The following TSEN34 variants were observed in gnomAD, a reference collection of about 807,000 sequenced individuals.
TSEN34 encodes the protein tRNA-splicing endonuclease subunit Sen34.
Under a neutral mutation model 30.2 loss-of-function variants are expected in TSEN34, and 25 were observed. The observed-to-expected ratio is 0.83, with a 90% confidence interval of 0.60 to 1.16. The LOEUF is 1.16. Ranked by LOEUF, TSEN34 falls within the 50% of genes most tolerant of loss-of-function variation. TSEN34 has a pLI of 0.00. For missense variants in TSEN34, 475 were observed against 411.9 expected (o/e 1.15, Z -1.33); for synonymous variants, 209 against 177.4 (o/e 1.18, Z -1.41).
At chr19:54,192,584 A>C (rs1185621916) in intron 3 of TSEN34, among the ~76,000 whole-genome samples, 1 of 150,908 alleles carries the variant, frequency 6.6e-6, no homozygotes, top group Non-Finnish European at 1.5e-5. Flanking sequence ...TTTTTGTCTC[A>C]CTTTCTCTTA....
In TSEN34 at chr19:54,193,099, C is replaced by T. The variant is rs868508939; in HGVS notation, c.746-76C>T. 5.6e-6 allele frequency: 9 copies of T among 1,607,296 alleles called. No homozygotes were observed. In the South Asian group the frequency reaches 6.6e-5, roughly 12 times the overall value. ...TGATGGCTGAAATGATCTCAGATCT[C>T]CTCCCAGTGGTCGTTCCCGTGGCGT... On this transcript the variant is annotated intron_variant, in intron 3 of 3. Transcript: ENST00000396388.
upstream of TSEN34, chr19:54,190,378 C>T (rs565852786): frequency 1.2e-5 from 18 of 1,507,326 alleles, no homozygotes; most frequent in African/African-American, 5.6e-5. Flanking sequence ...TGAGGTGACT[C>T]GCTGGTTCTA....
At chr19:54,190,987 G>C (rs542754609), upstream of TSEN34, 38 of 1,108,812 alleles carry the variant, frequency 3.4e-5, no homozygotes, top group African/African-American at 6.0e-4. Flanking sequence ...TTGTAAGGGG[G>C]CGTGTCGCCG....
At chr19:54,193,125 C>T in intron 3 of TSEN34, 50 bp from the exon 4 acceptor site, 1 of 1,611,278 alleles carries the variant, frequency 6.2e-7, no homozygotes, top group Non-Finnish European at 8.5e-7. Flanking sequence ...CCCGTGGCGT[C>T]CAGCCGTCTG....
chr19:54,191,626 AAC>A lies in TSEN34; in HGVS notation c.243+20_243+21del, dbSNP rs1568848864. On this transcript the variant is annotated intron_variant, in intron 1 of 3. Transcript: ENST00000396388. ...CAGCCTGGTAAGGGGGCGGGGCTCGAACTCGGGTTCGGTGGGAGCGGGACCTG... is the reference window on the plus strand; with the variant it reads ...CAGCCTGGTAAGGGGGCGGGGCTCGATCGGGTTCGGTGGGAGCGGGACCTG... The A allele has an allele frequency of 6.2e-7, 1 of 1,605,654 alleles. No homozygotes were observed. The highest frequency in any genetic ancestry group is 1.7e-4 in the Middle Eastern group (1 of 6,052).
chr19:54,192,165 C>G lies in TSEN34; in HGVS notation c.537C>G (p.Pro179=). The change falls in exon 3 of 4, where the codon CCC becomes CCG. Residue 179 remains proline (P), a synonymous_variant. Coordinates refer to ENST00000396388, the MANE Select transcript of TSEN34 (RefSeq NM_001077446.4). ...CCTCAAATGGGGTAGCCCCCTTGCCCAGATCTGCTCTCCTTGTCCAGCTGG... is the reference window on the plus strand; with the variant it reads ...CCTCAAATGGGGTAGCCCCCTTGCCGAGATCTGCTCTCCTTGTCCAGCTGG... ...AGPSNGVAPL[P]RSALLVQLAT... is the part of the protein sequence containing the mutation. The G allele has an allele frequency of 6.2e-7, 1 of 1,614,196 alleles. No homozygotes were observed. Among genetic ancestry groups the G allele is most frequent in the South Asian group, 1.1e-5 (1 of 91,080 alleles).
At chr19:54,190,007 G>A, upstream of TSEN34, 1 of 496,070 alleles carries the variant, frequency 2.0e-6, no homozygotes, top group Non-Finnish European at 3.6e-6. Flanking sequence ...GAGTCAACAG[G>A]TTCGCCAGAC....
chr19:54,193,234 A>C lies in TSEN34; in HGVS notation c.805A>C (p.Ile269Leu). The change falls in exon 4 of 4, where the codon ATC (isoleucine) becomes CTC (leucine). Residue 269 changes from isoleucine to leucine, a missense_variant. Transcript: ENST00000396388. ...TCAGTGCTGGGCCCCTGAGGACACC[A>C]TCCCACTCCAAGACCTGGTTGCTGC... The part of the protein sequence containing the change: ...IAQCWAPEDT[I>L]PLQDLVAAGR... 6.2e-7 allele frequency: 1 copy of C among 1,613,960 alleles called. No homozygotes were observed. Among genetic ancestry groups the C allele is most frequent in the South Asian group, 1.1e-5 (1 of 91,072 alleles).
At chr19:54,190,158 G>A (rs1001611453), upstream of TSEN34, 8 of 573,768 alleles carry the variant, frequency 1.4e-5, no homozygotes, top group African/African-American at 1.6e-4. Flanking sequence ...AAGCGGCAGA[G>A]GGAGGTGCGC....
At chr19:54,190,581 C>T, upstream of TSEN34, 1 of 1,247,400 alleles carries the variant, frequency 8.0e-7, no homozygotes, top group South Asian at 2.6e-5. Context: ...GGGCCACAGG[C>T]CGCGAGGCTG....
upstream of TSEN34, chr19:54,190,462 C>G: frequency 1.5e-6 from 2 of 1,369,734 alleles, no homozygotes; most frequent in South Asian, 1.7e-5. Context: ...TGAGCCCGCC[C>G]GAGCGGAGAG....
At position 54,193,623 on chromosome 19, in the gene TSEN34, G is replaced by A; in HGVS notation, c.*261G>A. 2.4e-6 allele frequency: 3 copies of A among 1,269,896 alleles called. No individual in the cohort carries two copies. The highest frequency in any genetic ancestry group is 1.5e-5 in the African/African-American group (1 of 67,550). 78.7% of individuals were successfully genotyped at this position (1,269,896 alleles called of 1,614,324 possible). The stretch of plus-strand genomic sequence containing the variant: ...GTTTGATTCATCTGTTTTCTACAGG[G>A]TTTAAGTCTCAGGAGGTCTCAATAA... On this transcript the variant is annotated 3_prime_UTR_variant, in exon 4 of 4. Transcript: ENST00000396388.
At position 54,191,594 on chromosome 19, in the gene TSEN34, G is replaced by C. The variant is rs200004897; in HGVS notation, c.230G>C (p.Arg77Pro). 4.1e-4 allele frequency: 663 copies of C among 1,603,402 alleles called. 1 individual carries two copies. Among genetic ancestry groups the C allele is most frequent in the Non-Finnish European group, 5.0e-4 (585 of 1,179,440 alleles). The change falls in exon 1 of 4, where the codon CGG (arginine) becomes CCG (proline). Residue 77 changes from arginine (R) to proline (P), a missense_variant. Coordinates refer to ENST00000396388, the MANE Select transcript of TSEN34 (RefSeq NM_001077446.4). ...TLVSAPRPDS[R>P]HHSLALTSFK... ...GTCAGCGCCCCGCGTCCAGACTCTC[G>C]GCACCACAGCCTGGTAAGGGGGCGG...
upstream of TSEN34, chr19:54,191,184 C>T (rs996030659): frequency 1.7e-5 from 23 of 1,385,266 alleles, no homozygotes; most frequent in Non-Finnish European, 1.9e-5. Context: ...GGTGGGATCG[C>T]CCGGGGGCGG....
At chr19:54,190,490 G>C (rs2076626731), upstream of TSEN34, 1 of 1,381,242 alleles carries the variant, frequency 7.2e-7, no homozygotes, top group Non-Finnish European at 9.4e-7. Flanking sequence ...CGGGTGTCCA[G>C]GGGGCGGGGC....
At chr19:54,190,116 G>A, upstream of TSEN34, 1 of 547,674 alleles carries the variant, frequency 1.8e-6, no homozygotes, top group East Asian at 3.4e-5. Context: ...GGGCCAGGAT[G>A]ACGATCCTCA....
intron 2 of TSEN34, 52 bp downstream of exon 2, chr19:54,192,016 TTTA>T: frequency 1.2e-6 from 2 of 1,613,824 alleles, no homozygotes; most frequent in Non-Finnish European, 1.7e-6. Context: ...GGAGAGATCT[TTTA>T]GGAATTTTAG....
chr19:54,191,151 C>T (rs772211122), upstream of TSEN34: 35 of 1,360,434 alleles, frequency 2.6e-5, no homozygotes, highest in East Asian at 2.4e-4. Context: ...TCCGGCGTCT[C>T]GTCTCCGGCG....
In TSEN34 at chr19:54,194,203, A is replaced by C. The variant is rs550013350; in HGVS notation, c.*841A>C. 1 of 156,274 alleles carries C rather than the reference A, an allele frequency of 6.4e-6. No homozygotes were observed. The highest frequency in any genetic ancestry group is 6.2e-5 in the Admixed American group (1 of 16,032). 9.7% of individuals were successfully genotyped at this position (156,274 alleles called of 1,614,324 possible). A position where few individuals can be genotyped will look rare whatever the true frequency, so the allele number is the denominator to read the frequency against. On this transcript the variant is annotated 3_prime_UTR_variant, in exon 4 of 4. Coordinates refer to ENST00000396388, the MANE Select transcript of TSEN34 (RefSeq NM_001077446.4). ...TGTGTATATATGTAAATATACACAC[A>C]TGTATGTATATATATGTGTGTGTAT...
Sources: gnomAD v4.1 joint callset for allele counts (sites outside exome capture counted in the v4.1 genomes callset) on GRCh38, gnomAD v4.1.1 for gene constraint, MANE v1.5 for transcripts, NCBI Gene and HGNC (gene_info 2026-07-23, HGNC 2026-07-21) for gene names.